The following TSNAXIP1 variants were observed in gnomAD, a reference collection of about 807,000 sequenced individuals.
The protein encoded by TSNAXIP1 is translin associated factor X interacting protein 1, also known as translin-associated factor X-interacting protein 1.
TSNAXIP1 carries 89 observed loss-of-function variants against 84.8 expected under a neutral mutation model. The observed-to-expected ratio is 1.05, with a 90% CI of 0.88 to 1.25. The LOEUF is 1.25. Among genes scored for constraint, TSNAXIP1 ranks in the 50% most tolerant of loss-of-function variants. The pLI, the probability that TSNAXIP1 is intolerant of heterozygous loss-of-function variation, is 0.00. For missense variants in TSNAXIP1, 874 were observed against 887.6 expected, an observed-to-expected ratio of 0.98 and a Z score of 0.20; for synonymous variants, 347 against 335.2, an observed-to-expected ratio of 1.04 and a Z score of -0.39.
chr16:67,812,271 G>A (rs2056152532), intron 1 of TSNAXIP1, among the ~76,000 whole-genome samples: 1 of 152,008 alleles, frequency 6.6e-6, no homozygotes, highest in Non-Finnish European at 1.5e-5. Flanking sequence ...TCCTAGGATG[G>A]CTGTTCTAAG....
Position 67,826,381 on chromosome 16 carries a change from G to T in TSNAXIP1, c.1276-56G>T. 7 of 1,609,288 alleles carry T rather than the reference G, an allele frequency of 4.3e-6. No individual in the cohort carries two copies. The South Asian group carries it at 4.4e-5, about 10-fold the overall frequency. ...GGGGAACCAACTGGGGATCTTCCCTGATTGGGGGTGGGGCCACAGATGGGT... is the reference window on the plus strand; with the variant it reads ...GGGGAACCAACTGGGGATCTTCCCTTATTGGGGGTGGGGCCACAGATGGGT... On this transcript the variant is annotated intron_variant, in intron 10 of 15. Coordinates refer to ENST00000561639, the MANE Select transcript of TSNAXIP1 (RefSeq NM_001288990.3).
intron 2 of TSNAXIP1, among the ~76,000 whole-genome samples, chr16:67,816,390 C>T (rs758974513): frequency 2.0e-5 from 3 of 152,182 alleles, no homozygotes; most frequent in Non-Finnish European, 4.4e-5. Context: ...AAACTTACAA[C>T]TCTGGCTCAC....
In TSNAXIP1 at chr16:67,814,335, C is replaced by T. The variant is rs931943361; in HGVS notation, c.81C>T (p.Asp27=). The T allele has an allele frequency of 9.8e-6, 15 of 1,536,022 alleles. No individual in the cohort carries two copies. The highest frequency in any genetic ancestry group is 2.4e-5 in the East Asian group (1 of 40,916). ...CACGGCCTTCAGGAGTGACCATAGA[C>T]GAATCCTTTCTCACAGAAGACAAGA... is the stretch of plus-strand genomic sequence containing the variant. ...LQPRPSGVTI[D]ESFLTEDKST... is the part of the protein sequence containing the mutation. Residue 27 remains aspartate (D), a synonymous_variant, in exon 2 of 16, where the codon GAC becomes GAT. Transcript: ENST00000561639.
intron 3 of TSNAXIP1, 55 bp from the exon 4 acceptor site, chr16:67,821,044 G>A (rs1348970548): frequency 6.2e-7 from 1 of 1,608,880 alleles, no homozygotes; most frequent in Non-Finnish European, 8.5e-7. Context: ...CCCAGACTGA[G>A]GGCACAAGGG....
At chr16:67,815,233 TA>T (rs1281193422) in intron 2 of TSNAXIP1, among the ~76,000 whole-genome samples, 9 of 144,286 alleles carry the variant, frequency 6.2e-5, no homozygotes, top group Non-Finnish European at 1.0e-4. Flanking sequence ...AGAATTGCTT[TA>T]ACCTGGGACG....
chr16:67,808,015 G>A (rs1335557763), intron 1 of TSNAXIP1, among the ~76,000 whole-genome samples: 1 of 152,122 alleles, frequency 6.6e-6, no homozygotes, highest in Non-Finnish European at 1.5e-5. Flanking sequence ...TGGGACTTCA[G>A]ACAGGGCCCT....
At chr16:67,815,313 CAAAAA>C (rs561529036) in intron 2 of TSNAXIP1, among the ~76,000 whole-genome samples, 1 of 50,024 alleles carries the variant, frequency 2.0e-5, no homozygotes. Context: ...GACTACATCT[CAAAAA>C]AAAAAAAAAA....
chr16:67,817,218 C>G (rs1360841871), intron 2 of TSNAXIP1, among the ~76,000 whole-genome samples: 1 of 151,484 alleles, frequency 6.6e-6, no homozygotes, highest in African/African-American at 2.4e-5. Flanking sequence ...GGCGCGATCT[C>G]GGCTCACTGC....
chr16:67,816,626 C>G (rs59343240), intron 2 of TSNAXIP1, among the ~76,000 whole-genome samples: 20,732 of 152,142 alleles, frequency 0.14, 2,926 homozygotes, highest in African/African-American at 0.36. Context: ...CTCCCGGGCA[C>G]CCTTCTCAGC....
chr16:67,826,585 G>A (rs774292022), intron 11 of TSNAXIP1, 23 bp downstream of exon 11: 8 of 1,613,948 alleles, frequency 5.0e-6, no homozygotes, highest in South Asian at 1.1e-5. Context: ...CAGCCACTCT[G>A]GCCCAGCATG....
chr16:67,820,854 A>G lies in TSNAXIP1; in HGVS notation c.163A>G (p.Met55Val), dbSNP rs1236714996. The stretch of plus-strand genomic sequence containing the variant: ...CTCCCTGCAGACTGGTCAGTTCTCC[A>G]TGGGTGGGCACCTGTCCCCATGGCC... ...KRRTLTGQFS[M>V]GGHLSPWPTY... Residue 55 changes from methionine to valine, a missense_variant, in exon 3 of 16, where the codon ATG becomes GTG. Transcript: ENST00000561639. 20 of 1,559,908 alleles carry G rather than the reference A, an allele frequency of 1.3e-5. No individual in the cohort carries two copies. The highest frequency in any genetic ancestry group is 1.6e-5 in the Non-Finnish European group (19 of 1,155,066).
In TSNAXIP1 at chr16:67,821,141, C is replaced by T. The variant is rs747931736; in HGVS notation, c.303C>T (p.Tyr101=). 1 of 1,612,440 alleles carries T rather than the reference C, an allele frequency of 6.2e-7. No homozygotes were observed. Among genetic ancestry groups the T allele is most frequent in the South Asian group, 1.1e-5 (1 of 90,852 alleles). ...QHPFRTAKPQ[Y]LEELENYLRK... ...CCTTTCGCACTGCCAAGCCCCAGTACTTGGAGGAACTGGAAAACTACCTAC... is the reference window on the plus strand; with the variant it reads ...CCTTTCGCACTGCCAAGCCCCAGTATTTGGAGGAACTGGAAAACTACCTAC... Residue 101 remains tyrosine (Y), a synonymous_variant, in exon 4 of 16, where the codon TAC becomes TAT. Transcript: ENST00000561639.
intron 4 of TSNAXIP1, 106 bp downstream of exon 4, chr16:67,821,331 A>T (rs560145583): frequency 7.0e-7 from 1 of 1,435,690 alleles, no homozygotes; most frequent in South Asian, 1.3e-5. Context: ...GCACTTTGGG[A>T]GGCCAAGGCG....
rs781322172 is a variant in TSNAXIP1, at chr16:67,827,065, C to T, written c.1657C>T (p.Gln553Ter). 1.9e-6 allele frequency: 3 copies of T among 1,613,928 alleles called. No individual in the cohort carries two copies. The highest frequency in any genetic ancestry group is 2.5e-6 in the Non-Finnish European group (3 of 1,179,978). ...GAACGAGGGGCTACTAACCATGGAG[C>T]AGTTCAAGTGAGAGGCCAGTCCAGG... ...SQNEGLLTMEQFNTVLKSTFP... is the reference protein window; with the variant it reads ...SQNEGLLTME The change falls in exon 13 of 16, where the codon CAG (glutamine) becomes TAG (stop). Residue 553 changes from glutamine to a stop codon, truncating the protein, a stop_gained. Coordinates refer to ENST00000561639, the MANE Select transcript of TSNAXIP1 (RefSeq NM_001288990.3). LOFTEE classifies it high-confidence loss of function.
intron 2 of TSNAXIP1, among the ~76,000 whole-genome samples, chr16:67,819,244 C>CTTT (rs531351666): frequency 7.3e-6 from 1 of 137,422 alleles, no homozygotes. Context: ...TTTTGATAGT[C>CTTT]TTTTTTTTTT....
intron 4 of TSNAXIP1, among the ~76,000 whole-genome samples, chr16:67,822,960 T>C (rs2057179861): frequency 6.6e-6 from 1 of 152,202 alleles, no homozygotes; most frequent in Non-Finnish European, 1.5e-5. Context: ...ATCTCCTGAA[T>C]CTACCAGGCT....
At chr16:67,825,101 G>A (rs375147435) in intron 6 of TSNAXIP1, 36 bp from the exon 7 acceptor site, 12 of 1,607,516 alleles carry the variant, frequency 7.5e-6, no homozygotes, top group East Asian at 2.2e-5. Context: ...AGGGGTCCAG[G>A]GGCAGCCCCT....
chr16:67,817,562 A>G (rs1256698580), intron 2 of TSNAXIP1, among the ~76,000 whole-genome samples: 85 of 138,792 alleles, frequency 6.1e-4, no homozygotes, highest in African/African-American at 1.2e-3. Flanking sequence ...TTACAAGCGT[A>G]AGCCACCGCG....
In TSNAXIP1 at chr16:67,826,295, C is replaced by T. The variant is rs556666300; in HGVS notation, c.1275+13C>T. On this transcript the variant is annotated intron_variant, in intron 10 of 15. Coordinates refer to ENST00000561639, the MANE Select transcript of TSNAXIP1 (RefSeq NM_001288990.3). ...CTTCCCTGGTCTGGTAGGGGAGGCC[C>T]CAGGAGTGGGGCTTGGGCCAGAGTC... The T allele has an allele frequency of 1.3e-6, 2 of 1,577,156 alleles. No homozygotes were observed. The highest frequency in any genetic ancestry group is 2.4e-5 in the South Asian group (2 of 84,626).
Sources: gnomAD v4.1 joint callset for allele counts (sites outside exome capture counted in the v4.1 genomes callset) on GRCh38, gnomAD v4.1.1 for gene constraint, MANE v1.5 for transcripts, NCBI Gene and HGNC (gene_info 2026-07-23, HGNC 2026-07-21) for gene names.